The following PLCXD2 variants were observed in gnomAD, a reference collection of about 807,000 sequenced individuals.
PLCXD2 encodes the protein PI-PLC X domain-containing protein 2.
In PLCXD2, 21 loss-of-function variants were observed where a neutral mutation model predicts 28.6. That is an observed-to-expected ratio of 0.73 (90% CI 0.52 to 1.06). PLCXD2 has a LOEUF of 1.06. PLCXD2 is among the 50% of genes least tolerant of loss of function. The pLI, the probability that PLCXD2 is intolerant of heterozygous loss-of-function variation, is 0.00. For missense variants in PLCXD2, 369 were observed against 376.7 expected, an observed-to-expected ratio of 0.98 and a Z score of 0.17; for synonymous variants, 140 against 150.1, an observed-to-expected ratio of 0.93 and a Z score of 0.49.
At chr3:111,676,579 C>T (rs1193754211) in intron 1 of PLCXD2, among the ~76,000 whole-genome samples, 1 of 152,036 alleles carries the variant, frequency 6.6e-6, no homozygotes, top group Non-Finnish European at 1.5e-5. Context: ...GAGAGGGCTG[C>T]GAAATTTCTT....
At chr3:111,679,346 C>G (rs543841335) in intron 1 of PLCXD2, among the ~76,000 whole-genome samples, 1 of 152,150 alleles carries the variant, frequency 6.6e-6, no homozygotes. Context: ...AGAGGACACC[C>G]TCTCTGGTCC....
At chr3:111,679,649 A>G (rs1446776933) in intron 1 of PLCXD2, among the ~76,000 whole-genome samples, 1 of 152,226 alleles carries the variant, frequency 6.6e-6, no homozygotes, top group Non-Finnish European at 1.5e-5. Context: ...ACAAATAGCC[A>G]CATGAAACCA....
At chr3:111,678,957 G>A (rs1940669517) in intron 1 of PLCXD2, among the ~76,000 whole-genome samples, 1 of 152,034 alleles carries the variant, frequency 6.6e-6, no homozygotes, top group South Asian at 2.1e-4. Context: ...CTCTTAAAAG[G>A]GGCTGTAGAT....
chr3:111,689,093 G>C (rs1940838773), intron 1 of PLCXD2, among the ~76,000 whole-genome samples: 1 of 152,160 alleles, frequency 6.6e-6, no homozygotes, highest in African/African-American at 2.4e-5. Flanking sequence ...CAAGCAAACT[G>C]TGCTGGGACC....
chr3:111,703,515 G>T (rs962548793), intron 1 of PLCXD2, among the ~76,000 whole-genome samples: 2 of 152,144 alleles, frequency 1.3e-5, no homozygotes, highest in African/African-American at 4.8e-5. Context: ...CACCAGAGGG[G>T]ATTCATCTCT....
chr3:111,681,453 G>A (rs1219144981), intron 1 of PLCXD2, among the ~76,000 whole-genome samples: 1 of 152,138 alleles, frequency 6.6e-6, no homozygotes, highest in Non-Finnish European at 1.5e-5. Context: ...GAGTGGGAAT[G>A]TTACAAAATG....
intron 1 of PLCXD2, among the ~76,000 whole-genome samples, chr3:111,679,246 A>T (rs1161179824): frequency 6.6e-6 from 1 of 152,132 alleles, no homozygotes; most frequent in African/African-American, 2.4e-5. Context: ...ACTTCAAGGG[A>T]TATGGGTTGA....
intron 2 of PLCXD2, among the ~76,000 whole-genome samples, chr3:111,711,570 G>C (rs1941200619): frequency 6.6e-6 from 1 of 152,158 alleles, no homozygotes; most frequent in Admixed American, 6.5e-5. Context: ...CAATTTAGTT[G>C]AAAGAAGTAT....
intron 3 of PLCXD2, chr3:111,722,485 CTA>C (rs1199853224): frequency 7.9e-5 from 12 of 152,122 alleles, no homozygotes; most frequent in African/African-American, 2.9e-4. Flanking sequence ...TCGTGAAGAA[CTA>C]TTAGTTCATA....
intron 2 of PLCXD2, among the ~76,000 whole-genome samples, chr3:111,709,483 C>CAT (rs57059255): frequency 2.0e-5 from 3 of 151,766 alleles, no homozygotes; most frequent in Non-Finnish European, 4.4e-5. Flanking sequence ...CACACACACA[C>CAT]GCACACACAC....
chr3:111,691,286 T>A (rs1940872751), intron 1 of PLCXD2: 1 of 152,252 alleles, frequency 6.6e-6, no homozygotes, highest in African/African-American at 2.4e-5. Context: ...AGTAAGCTGT[T>A]AATAAGTGGA....
chr3:111,703,025 G>T (rs2107857794), intron 1 of PLCXD2, among the ~76,000 whole-genome samples: 1 of 152,302 alleles, frequency 6.6e-6, no homozygotes, highest in South Asian at 2.1e-4. Flanking sequence ...GTTAAATGTT[G>T]TTTCACCCAC....
Position 111,691,118 on chromosome 3 carries a change from T to C in PLCXD2, c.163+15710T>C, listed in dbSNP as rs372588623. Among the ~76,000 whole-genome samples, 4 of 152,172 alleles carry C rather than the reference T, an allele frequency of 2.6e-5. No homozygotes were observed. The East Asian group carries it at 5.8e-4, about 22-fold the overall frequency. ...GACGAAATTCTCAGCCAAAAAGCAA[T>C]AAATACCACTTTAGGCTTGGAATGA... On this transcript the variant is annotated intron_variant, in intron 1 of 4. Coordinates refer to ENST00000477665, the MANE Select transcript of PLCXD2 (RefSeq NM_001185106.1).
In PLCXD2 at chr3:111,675,365, C is replaced by A; in HGVS notation, c.120C>A (p.Pro40=). The A allele has an allele frequency of 6.2e-7, 1 of 1,614,168 alleles. No individual in the cohort carries two copies. Among genetic ancestry groups the A allele is most frequent in the Non-Finnish European group, 8.5e-7 (1 of 1,180,026 alleles). ...ATGCCGACTGGATGGCCTCGCTCCC[C>A]CCTCACCTCCACAACCTCCCCCTTT... Residue 40 remains proline (P), a synonymous_variant, in exon 1 of 5, where the codon CCC becomes CCA. Coordinates refer to ENST00000477665, the MANE Select transcript of PLCXD2 (RefSeq NM_001185106.1).
intron 1 of PLCXD2, among the ~76,000 whole-genome samples, chr3:111,680,466 A>T (rs1271649398): frequency 6.6e-6 from 1 of 152,140 alleles, no homozygotes; most frequent in Non-Finnish European, 1.5e-5. Flanking sequence ...ATGAAAAAAA[A>T]AAAATCATAC....
chr3:111,718,526 TAGA>T lies in PLCXD2; in HGVS notation c.866+4399_866+4401del, dbSNP rs1559799084. Among the ~76,000 whole-genome samples the T allele has an allele frequency of 3.6e-4, 44 of 121,186 alleles. 1 individual carries two copies. The highest frequency in any genetic ancestry group is 1.2e-3 in the African/African-American group (42 of 34,228). The allele number at this position is 121,186 out of a possible 152,430, so 79.5% of individuals were successfully genotyped here. A position where few individuals can be genotyped will look rare whatever the true frequency, so the allele number is the denominator to read the frequency against. ...ATAGATAGATAGATAGATAGATAGA[TAGA>T]TAGATTGATTGATTTATGATATGTG... On this transcript the variant is annotated intron_variant, in intron 3 of 4. Coordinates refer to ENST00000477665, the MANE Select transcript of PLCXD2 (RefSeq NM_001185106.1).
chr3:111,714,788 G>T (rs1379429629), intron 3 of PLCXD2, among the ~76,000 whole-genome samples: 4 of 152,196 alleles, frequency 2.6e-5, no homozygotes, highest in Non-Finnish European at 5.9e-5. Context: ...GCACATATAT[G>T]TGAGTGTGTG....
In PLCXD2 at chr3:111,708,342, G is replaced by A. The variant is rs778430646; in HGVS notation, c.580G>A (p.Val194Met). The stretch of plus-strand genomic sequence containing the variant: ...AAACAAGCTGTGCCCAGCCTGCAGT[G>A]TGGAAAGTTTGACGCTGCGAACTCT... The change falls in exon 2 of 5, where the codon GTG becomes ATG. Residue 194 changes from valine (V) to methionine (M), a missense_variant. By Grantham distance (21) the Val-to-Met change is conservative. Transcript: ENST00000477665. 3 of 1,614,170 alleles carry A rather than the reference G, an allele frequency of 1.9e-6. No homozygotes were observed. The South Asian group carries it at 3.3e-5, about 18-fold the overall frequency.
At chr3:111,720,853 C>T (rs1014054942) in intron 3 of PLCXD2, 7 of 416,692 alleles carry the variant, frequency 1.7e-5, no homozygotes, top group Non-Finnish European at 2.7e-5. Flanking sequence ...TGACCTCCTA[C>T]AGGAGGACAC....
Sources: gnomAD v4.1 joint callset for allele counts (sites outside exome capture counted in the v4.1 genomes callset) on GRCh38, gnomAD v4.1.1 for gene constraint, MANE v1.5 for transcripts, NCBI Gene and HGNC (gene_info 2026-07-23, HGNC 2026-07-21) for gene names.